The following URGCP variants were observed in gnomAD, a reference collection of about 807,000 sequenced individuals.
URGCP encodes the protein upregulator of cell proliferation.
In URGCP, 13 loss-of-function variants were observed where a neutral mutation model predicts 24.6. That is an observed-to-expected ratio of 0.53 (90% CI 0.34 to 0.84). The LOEUF is 0.84. URGCP is among the 40% of genes least tolerant of loss of function. The pLI, the probability that URGCP is intolerant of heterozygous loss-of-function variation, is 0.01. For missense variants in URGCP, 899 were observed against 1,194.3 expected (o/e 0.75, Z 3.64); for synonymous variants, 444 against 487.2 (o/e 0.91, Z 1.17).
chr7:43,883,709 C>G (rs1229839995), intron 3 of URGCP, among the ~76,000 whole-genome samples: 1 of 152,064 alleles, frequency 6.6e-6, no homozygotes, highest in East Asian at 1.9e-4. Context: ...CGGATATTTT[C>G]AGATTTATGT....
intron 1 of URGCP, among the ~76,000 whole-genome samples, chr7:43,898,206 G>T (rs1372082593): frequency 3.9e-5 from 6 of 152,206 alleles, no homozygotes; most frequent in Non-Finnish European, 7.3e-5. Context: ...ATAATGCAAA[G>T]AAATGATGGT....
chr7:43,916,076 G>A (rs544092963), intron 1 of URGCP, among the ~76,000 whole-genome samples: 3 of 152,256 alleles, frequency 2.0e-5, no homozygotes, highest in Non-Finnish European at 4.4e-5. Context: ...TTTGTTCTCC[G>A]GGCATCTTTT....
At chr7:43,903,914 AGGCAGAGGAGCT>A (rs944441447) in intron 1 of URGCP, among the ~76,000 whole-genome samples, 47 of 152,316 alleles carry the variant, frequency 3.1e-4, no homozygotes, top group African/African-American at 9.9e-4. Flanking sequence ...GTGAAAGAGC[AGGCAGAGGAGCT>A]GGCAGACAAG....
chr7:43,917,102 G>C (rs541268627), intron 1 of URGCP, among the ~76,000 whole-genome samples: 50 of 152,286 alleles, frequency 3.3e-4, no homozygotes, highest in Admixed American at 5.9e-4. Context: ...GCTTGGGATT[G>C]AGCTCAGCAG....
intron 1 of URGCP, among the ~76,000 whole-genome samples, chr7:43,924,335 G>A (rs151000589): frequency 2.0e-5 from 3 of 152,088 alleles, no homozygotes; most frequent in African/African-American, 7.2e-5. Flanking sequence ...TTTTTTTCCT[G>A]AATTATACAA....
upstream of URGCP, among the ~76,000 whole-genome samples, chr7:43,911,273 C>A (rs2095909814): frequency 6.6e-6 from 1 of 151,580 alleles, no homozygotes; most frequent in Non-Finnish European, 1.5e-5. Flanking sequence ...TGGTGGCGCA[C>A]ACCTATAATC....
Position 43,906,545 on chromosome 7 carries a change from T to C in URGCP, c.14+17A>G. ...CCGGCAGCCGCGGGGGCGCAGGGCC[T>C]GCGAGGCGGCACTCACCCGGGCGAC... On this transcript the variant is annotated intron_variant, in intron 1 of 5. Transcript: ENST00000453200. 2.4e-6 allele frequency: 3 copies of C among 1,233,106 alleles called. No homozygotes were observed. Among genetic ancestry groups the C allele is most frequent in the South Asian group, 5.0e-5 (2 of 39,730 alleles). The allele number at this position is 1,233,106 out of a possible 1,614,324, so 76.4% of individuals were successfully genotyped here. A position where few individuals can be genotyped will look rare whatever the true frequency, so the allele number is the denominator to read the frequency against.
chr7:43,920,117 T>A, intron 1 of URGCP: 1 of 878,880 alleles, frequency 1.1e-6, no homozygotes, highest in East Asian at 2.5e-5. Flanking sequence ...CCTGCCTGAC[T>A]GACCACTCAC....
intron 1 of URGCP, among the ~76,000 whole-genome samples, chr7:43,897,599 T>C (rs2095881117): frequency 6.6e-6 from 1 of 151,866 alleles, no homozygotes; most frequent in Admixed American, 6.6e-5. Context: ...AAAATAAAAA[T>C]AAAAAAGATT....
intron 1 of URGCP, chr7:43,919,461 G>T (rs2095919622): frequency 4.1e-6 from 4 of 980,718 alleles, no homozygotes; most frequent in Non-Finnish European, 5.0e-6. Flanking sequence ...TGACCTCATA[G>T]GCCTCATCGC....
At chr7:43,901,706 A>C (rs905535725) in intron 1 of URGCP, among the ~76,000 whole-genome samples, 2 of 152,090 alleles carry the variant, frequency 1.3e-5, no homozygotes, top group Non-Finnish European at 2.9e-5. Context: ...TCTTTCACCC[A>C]GTGTAGAGGG....
upstream of URGCP, among the ~76,000 whole-genome samples, chr7:43,909,246 CAT>C (rs2095907431): frequency 6.6e-6 from 1 of 152,232 alleles, no homozygotes; most frequent in South Asian, 2.1e-4. Context: ...ACATAATACA[CAT>C]ACACACATAT....
Position 43,877,860 on chromosome 7 carries a change from G to A in URGCP, c.1603C>T (p.Leu535Phe). The change falls in exon 6 of 6, where the codon CTT (leucine) becomes TTT (phenylalanine). Residue 535 changes from leucine to phenylalanine, a missense_variant. Leu to Phe is a conservative substitution (Grantham distance 22). Coordinates refer to ENST00000453200, the MANE Select transcript of URGCP (RefSeq NM_001077663.3). ...RAELRRRLLE[L>F]RMQQNGHDPS... ...TCATGGCCGTTCTGCTGCATTCGAA[G>A]TTCTAGCAGCCGCCGCCTCAGCTCA... 2 of 1,612,228 alleles carry A rather than the reference G, an allele frequency of 1.2e-6. No individual in the cohort carries two copies.
intron 1 of URGCP, among the ~76,000 whole-genome samples, chr7:43,891,513 C>G (rs866288788): frequency 2.6e-5 from 4 of 152,322 alleles, no homozygotes; most frequent in Middle Eastern, 6.8e-3. Flanking sequence ...TCTTCCTGCG[C>G]CCAGCTATCA....
At chr7:43,884,731 G>A (rs760620116) in intron 3 of URGCP, among the ~76,000 whole-genome samples, 2 of 152,162 alleles carry the variant, frequency 1.3e-5, no homozygotes, top group African/African-American at 4.8e-5. Flanking sequence ...CTACTTGGGA[G>A]GCTGAGACAG....
intron 3 of URGCP, among the ~76,000 whole-genome samples, chr7:43,884,224 G>A (rs1286488853): frequency 1.3e-5 from 2 of 152,196 alleles, no homozygotes; most frequent in East Asian, 1.9e-4. Context: ...ACTAGGGTTC[G>A]GAGAGAGCCT....
chr7:43,906,602 C>T (rs2095903637), upstream of URGCP: 1 of 1,211,794 alleles, frequency 8.3e-7, no homozygotes, highest in East Asian at 3.8e-5. Flanking sequence ...CCGCTCCCGC[C>T]TCCTTCGCTT....
intron 4 of URGCP, 101 bp downstream of exon 4, chr7:43,881,806 A>G: frequency 1.2e-6 from 2 of 1,605,456 alleles, no homozygotes; most frequent in Non-Finnish European, 1.7e-6. Flanking sequence ...CAAGATGGCA[A>G]CTTCTCCCAA....
chr7:43,881,233 C>T, intron 5 of URGCP: 2 of 702,880 alleles, frequency 2.8e-6, no homozygotes, highest in Admixed American at 4.0e-5. Context: ...CAGTGTGTGG[C>T]CCTTGGCAGG....
Sources: allele counts gnomAD v4.1 joint callset (sites outside exome capture counted in the v4.1 genomes callset), GRCh38; gene constraint gnomAD v4.1.1; transcripts MANE v1.5; gene names NCBI Gene and HGNC (gene_info 2026-07-23, HGNC 2026-07-21).